The following EFHD2 variants were observed in gnomAD, a reference collection of about 807,000 sequenced individuals.
EFHD2 encodes the protein EF-hand domain family member D2, also known as EF-hand domain-containing protein D2.
EFHD2 carries 12 observed loss-of-function variants against 20.3 expected under a neutral mutation model. That is an observed-to-expected ratio of 0.59 (90% CI 0.38 to 0.96). The LOEUF (loss-of-function observed/expected upper bound fraction) is 0.96, where lower values mean the gene tolerates loss of function less well. EFHD2 is among the 40% of genes least tolerant of loss of function. EFHD2 has a pLI of 0.00. For missense variants in EFHD2, 250 were observed against 334.3 expected (o/e 0.75, Z 1.97); for synonymous variants, 131 against 143.9 (o/e 0.91, Z 0.64).
intron 1 of EFHD2, among the ~76,000 whole-genome samples, chr1:15,420,405 G>C (rs532937094): frequency 8.5e-5 from 13 of 152,208 alleles, no homozygotes; most frequent in African/African-American, 2.9e-4. Context: ...GCAGTGGCTC[G>C]ATCAGGGCTC....
Position 15,410,087 on chromosome 1 carries a change from G to T in EFHD2, c.116G>T (p.Gly39Val). The change falls in exon 1 of 4, where the codon GGG becomes GTG. Residue 39 changes from glycine to valine, a missense_variant. Gly to Val is a moderately radical substitution (Grantham distance 109). Transcript: ENST00000375980. ...AACGGGGCAGCGGCGGCGGCGGCGG[G>T]GGCACCCGACGAGGCGGCCGAGGCG... ...GLNGAAAAAA[G>V]APDEAAEALG... The T allele has an allele frequency of 7.0e-7, 1 of 1,418,960 alleles. No individual in the cohort carries two copies. Among genetic ancestry groups the T allele is most frequent in the Non-Finnish European group, 9.2e-7 (1 of 1,091,964 alleles). 87.9% of individuals were successfully genotyped at this position (1,418,960 alleles called of 1,614,324 possible).
rs1356071550 is a variant in EFHD2, at chr1:15,422,084, CATT to C, written c.309-3786_309-3784del. ...ACTGGCACTTGGGGCCAGGTCATTC[CATT>C]TTTTTTTTTTTTTTTTTTTTTTTGA... On this transcript the variant is annotated intron_variant, in intron 1 of 3. Coordinates refer to ENST00000375980, the MANE Select transcript of EFHD2 (RefSeq NM_024329.6). Among the ~76,000 whole-genome samples the C allele has an allele frequency of 4.3e-4, 55 of 128,560 alleles. 1 individual carries two copies. Among genetic ancestry groups the C allele is most frequent in the African/African-American group, 1.4e-3 (48 of 34,864 alleles). The allele number at this position is 128,560 out of a possible 152,430, so 84.3% of individuals were successfully genotyped here. A position where few individuals can be genotyped will look rare whatever the true frequency, so the allele number is the denominator to read the frequency against.
chr1:15,421,341 A>C (rs1228170283), intron 1 of EFHD2, among the ~76,000 whole-genome samples: 1 of 152,062 alleles, frequency 6.6e-6, no homozygotes, highest in Admixed American at 6.5e-5. Context: ...GCCACTCTCC[A>C]GGAGTCTCTT....
intron 1 of EFHD2, among the ~76,000 whole-genome samples, chr1:15,415,550 A>T (rs1186650518): frequency 6.7e-6 from 1 of 149,300 alleles, no homozygotes; most frequent in Non-Finnish European, 1.5e-5. Flanking sequence ...GTACAGTGGC[A>T]TGATCTTGGC....
intron 1 of EFHD2, among the ~76,000 whole-genome samples, chr1:15,414,713 C>T (rs570313205): frequency 6.6e-6 from 1 of 152,330 alleles, no homozygotes; most frequent in African/African-American, 2.4e-5. Flanking sequence ...TTGCTTTGGG[C>T]CCTAGTGACA....
rs1386828194 is a variant in EFHD2, at chr1:15,410,910, G to A, written c.308+631G>A. On this transcript the variant is annotated intron_variant, in intron 1 of 3. Transcript: ENST00000375980. ...CCAACTTCCTCTCCAGTTACTTAGC[G>A]TCTACCAGCAAACTGGGGGCAAAGA... Among the ~76,000 whole-genome samples the A allele has an allele frequency of 3.3e-5, 5 of 152,032 alleles. No homozygotes were observed. The East Asian group carries it at 5.8e-4, about 18-fold the overall frequency.
At chr1:15,410,314 CCG>C in intron 1 of EFHD2, 35 bp downstream of exon 1, 1 of 1,544,632 alleles carries the variant, frequency 6.5e-7, no homozygotes, top group Non-Finnish European at 8.7e-7. Flanking sequence ...CCCGCCCGCC[CCG>C]CGACCCGGTC....
intron 1 of EFHD2, among the ~76,000 whole-genome samples, chr1:15,417,418 C>T (rs546974289): frequency 3.3e-5 from 5 of 152,104 alleles, no homozygotes; most frequent in Non-Finnish European, 4.4e-5. Context: ...CAGGGAGTGC[C>T]GTGGGTGCGG....
At chr1:15,424,196 A>G (rs1707836997) in intron 1 of EFHD2, among the ~76,000 whole-genome samples, 1 of 151,838 alleles carries the variant, frequency 6.6e-6, no homozygotes, top group Non-Finnish European at 1.5e-5. Flanking sequence ...AAAAAAAAAA[A>G]AGAAAAACCC....
intron 1 of EFHD2, among the ~76,000 whole-genome samples, chr1:15,414,185 C>T (rs1707606815): frequency 1.3e-5 from 2 of 152,214 alleles, no homozygotes; most frequent in Non-Finnish European, 2.9e-5. Context: ...CCTTGCAGGC[C>T]CTGTCCCCAC....
rs192209487 is a variant in EFHD2, at chr1:15,412,952, C to T, written c.308+2673C>T. Reference sequence around the variant, plus strand: ...GATGGGGCAGGCAGGGGCCAGGAAGCTGGACCTCTAGGGAAGCAAGTGCTG... The same window carrying T: ...GATGGGGCAGGCAGGGGCCAGGAAGTTGGACCTCTAGGGAAGCAAGTGCTG... On this transcript the variant is annotated intron_variant, in intron 1 of 3. Transcript: ENST00000375980. Among the ~76,000 whole-genome samples, 55 of 152,312 alleles carry T rather than the reference C, an allele frequency of 3.6e-4. 1 individual carries two copies. The East Asian group carries it at 9.7e-3, about 27-fold the overall frequency.
chr1:15,415,314 C>T (rs1370055634), intron 1 of EFHD2, among the ~76,000 whole-genome samples: 5 of 152,122 alleles, frequency 3.3e-5, no homozygotes, highest in African/African-American at 1.2e-4. Context: ...CGAAAGCTCT[C>T]ATGAATGACA....
chr1:15,429,528 C>T lies in EFHD2; in HGVS notation c.*804C>T, dbSNP rs1433834943. The T allele has an allele frequency of 1.3e-5, 2 of 152,720 alleles. No individual in the cohort carries two copies. The highest frequency in any genetic ancestry group is 6.5e-5 in the Admixed American group (1 of 15,294). 9.5% of individuals were successfully genotyped at this position (152,720 alleles called of 1,614,324 possible). On this transcript the variant is annotated 3_prime_UTR_variant, in exon 4 of 4. Coordinates refer to ENST00000375980, the MANE Select transcript of EFHD2 (RefSeq NM_024329.6). ...CGCTGCTTAGCACCCCCAGCCAGAACACCCTGAGGGTCTCGGGGCTCTGGA... is the reference window on the plus strand; with the variant it reads ...CGCTGCTTAGCACCCCCAGCCAGAATACCCTGAGGGTCTCGGGGCTCTGGA...
chr1:15,420,074 G>A (rs1707762548), intron 1 of EFHD2, among the ~76,000 whole-genome samples: 1 of 152,136 alleles, frequency 6.6e-6, no homozygotes, highest in South Asian at 2.1e-4. Flanking sequence ...CCTGCCTCCA[G>A]GCCAAGCCAC....
Position 15,426,118 on chromosome 1 carries a change from G to A in EFHD2, c.456+100G>A. Reference sequence around the variant, plus strand: ...CCCCACCCTTTGTCAATGAATGAATGACATTGCCATTGAACAGCAGCTGTG... The same window carrying A: ...CCCCACCCTTTGTCAATGAATGAATAACATTGCCATTGAACAGCAGCTGTG... On this transcript the variant is annotated intron_variant, in intron 2 of 3. Coordinates refer to ENST00000375980, the MANE Select transcript of EFHD2 (RefSeq NM_024329.6). This position sits in a 1 kb window ranked among gnomAD's most constrained non-coding sequence, Gnocchi z 4.6. 7.8e-7 allele frequency: 1 copy of A among 1,279,954 alleles called. No individual in the cohort carries two copies. Among genetic ancestry groups the A allele is most frequent in the Non-Finnish European group, 1.0e-6 (1 of 960,584 alleles). 79.3% of individuals were successfully genotyped at this position (1,279,954 alleles called of 1,614,324 possible).
chr1:15,423,200 G>A (rs1707822335), intron 1 of EFHD2, among the ~76,000 whole-genome samples: 1 of 152,222 alleles, frequency 6.6e-6, no homozygotes. Context: ...AGCAGCTTTG[G>A]CCTGCCTGAC....
At chr1:15,419,208 G>C (rs1273436981) in intron 1 of EFHD2, among the ~76,000 whole-genome samples, 1 of 152,206 alleles carries the variant, frequency 6.6e-6, no homozygotes, top group Non-Finnish European at 1.5e-5. Context: ...TCGTCCTTGG[G>C]GGGTAACTGG....
intron 1 of EFHD2, among the ~76,000 whole-genome samples, chr1:15,422,174 C>T (rs1707803355): frequency 6.8e-6 from 1 of 146,610 alleles, no homozygotes; most frequent in Non-Finnish European, 1.5e-5. Context: ...CTCATTGCAA[C>T]CTCCACCTCC....
intron 1 of EFHD2, among the ~76,000 whole-genome samples, chr1:15,411,951 G>C (rs1252548043): frequency 6.6e-6 from 1 of 152,130 alleles, no homozygotes; most frequent in Non-Finnish European, 1.5e-5. Flanking sequence ...GCAGGGGGAA[G>C]GATTTCTGGT....
Sources: allele counts gnomAD v4.1 joint callset (sites outside exome capture counted in the v4.1 genomes callset), GRCh38; gene constraint gnomAD v4.1.1; non-coding constraint Gnocchi (gnomAD v3.1); transcripts MANE v1.5; gene names NCBI Gene and HGNC (gene_info 2026-07-23, HGNC 2026-07-21).